KIFC3: variants seen among roughly 807,000 people sequenced by gnomAD.
KIFC3 encodes the protein kinesin family member C3, also known as kinesin-like protein KIFC3.
KIFC3 carries 60 observed loss-of-function variants against 101.8 expected under a neutral mutation model. The observed-to-expected ratio is 0.59, with a 90% CI of 0.48 to 0.73. The LOEUF is 0.73. KIFC3 is among the 30% of genes least tolerant of loss of function. The probability of loss-of-function intolerance (pLI) is 0.00; values close to 1 mark genes in which losing one functional copy is unlikely to be tolerated. For missense variants in KIFC3, 966 were observed against 1,137.1 expected, an observed-to-expected ratio of 0.85 and a Z score of 2.16; for synonymous variants, 476 against 482.7, an observed-to-expected ratio of 0.99 and a Z score of 0.18.
At position 57,788,637 on chromosome 16, in the gene KIFC3, G is replaced by A. The variant is rs575723899; in HGVS notation, c.315+6362C>T. 6.4e-5 allele frequency: 83 copies of A among 1,289,606 alleles called. 1 individual carries two copies. Among genetic ancestry groups the A allele is most frequent in the South Asian group, 6.0e-4 (49 of 81,024 alleles). The allele number at this position is 1,289,606 out of a possible 1,614,324, so 79.9% of individuals were successfully genotyped here. ...GGCCTCCCGGGCCCGCCTGGGGGCC[G>A]GCGCCTGTCTCTTCCAAAGCTTCTC... On this transcript the variant is annotated intron_variant, in intron 3 of 19. Transcript: ENST00000445690.
intron 1 of KIFC3, among the ~76,000 whole-genome samples, chr16:57,848,085 C>T (rs2055973899): frequency 6.6e-6 from 1 of 152,204 alleles, no homozygotes; most frequent in South Asian, 2.1e-4. Context: ...CATGCTTGGC[C>T]TGGATGCCAG....
intron 1 of KIFC3, among the ~76,000 whole-genome samples, chr16:57,826,848 C>A (rs1306613725): frequency 6.6e-6 from 1 of 152,162 alleles, no homozygotes; most frequent in Non-Finnish European, 1.5e-5. Context: ...TACCTCTCAC[C>A]GTGGTCATAC....
intron 1 of KIFC3, among the ~76,000 whole-genome samples, chr16:57,860,487 A>G (rs1454856597): frequency 2.0e-5 from 3 of 152,172 alleles, no homozygotes; most frequent in African/African-American, 7.2e-5. Flanking sequence ...CAAACTGGAC[A>G]TCCAAATGAT....
chr16:57,796,983 C>T (rs2054375274), intron 2 of KIFC3, among the ~76,000 whole-genome samples: 4 of 152,246 alleles, frequency 2.6e-5, no homozygotes, highest in South Asian at 4.1e-4. Flanking sequence ...CTACCTGGCC[C>T]AAAAGCCCAG....
intron 1 of KIFC3, among the ~76,000 whole-genome samples, chr16:57,844,730 G>C (rs1267205105): frequency 2.6e-5 from 4 of 152,118 alleles, no homozygotes; most frequent in African/African-American, 9.7e-5. Flanking sequence ...GTAGTCTGCA[G>C]CCCGTCTCGC....
At chr16:57,784,264 G>C (rs1242049448) in intron 3 of KIFC3, among the ~76,000 whole-genome samples, 1 of 152,234 alleles carries the variant, frequency 6.6e-6, no homozygotes, top group Non-Finnish European at 1.5e-5. Flanking sequence ...TACAGGGCTA[G>C]CCTAGAGGAG....
intron 13 of KIFC3, 105 bp downstream of exon 13, chr16:57,762,035 C>T: frequency 7.1e-7 from 1 of 1,400,954 alleles, no homozygotes; most frequent in Non-Finnish European, 9.5e-7. Flanking sequence ...CTGAGGCCTG[C>T]TCCCCACATA....
chr16:57,829,974 C>T (rs1555478922), intron 1 of KIFC3, among the ~76,000 whole-genome samples: 3 of 152,210 alleles, frequency 2.0e-5, no homozygotes, highest in African/African-American at 4.8e-5. Context: ...GCTTGCCCCT[C>T]AACTGGGAGA....
At chr16:57,802,530 C>T (rs2054809269), upstream of KIFC3, 1 of 985,980 alleles carries the variant, frequency 1.0e-6, no homozygotes, top group Non-Finnish European at 1.2e-6. This position sits in a 1 kb window ranked among gnomAD's most constrained non-coding sequence, Gnocchi z 5.0. Flanking sequence ...ACTCGGGCCG[C>T]GGCGCGTTCC....
At chr16:57,816,404 G>C (rs1555628839) in intron 1 of KIFC3, 4 of 560,970 alleles carry the variant, frequency 7.1e-6, no homozygotes, top group South Asian at 6.0e-5. Context: ...TTTGGTCACA[G>C]GACAGAAGCT....
chr16:57,775,922 G>T, intron 3 of KIFC3: 1 of 985,618 alleles, frequency 1.0e-6, no homozygotes, highest in Admixed American at 6.1e-5. Flanking sequence ...CGGGCCTGCT[G>T]CAGGGGGCGT....
chr16:57,816,080 C>T, intron 1 of KIFC3: 1 of 687,280 alleles, frequency 1.5e-6, no homozygotes, highest in Non-Finnish European at 2.1e-6. Flanking sequence ...TCCACGTACC[C>T]ACAGGAAGGA....
chr16:57,817,289 G>A (rs2055249688), intron 1 of KIFC3, among the ~76,000 whole-genome samples: 1 of 151,910 alleles, frequency 6.6e-6, no homozygotes. Context: ...AACCCAGGAG[G>A]TAGAGGTTGC....
intron 15 of KIFC3, 29 bp from the exon 16 acceptor site, chr16:57,760,984 C>A (rs2049778814): frequency 6.2e-7 from 1 of 1,602,960 alleles, no homozygotes; most frequent in Non-Finnish European, 8.5e-7. Flanking sequence ...CCAGATCAGG[C>A]CTGCCCTGCC....
chr16:57,783,472 C>CTTTCTTTT (rs557476340), intron 3 of KIFC3, among the ~76,000 whole-genome samples: 1 of 82,624 alleles, frequency 1.2e-5, no homozygotes. Flanking sequence ...ATTTTCTTTT[C>CTTTCTTTT]TTTTTTTTTT....
intron 3 of KIFC3, among the ~76,000 whole-genome samples, chr16:57,786,891 A>G (rs1166576154): frequency 6.6e-6 from 1 of 152,160 alleles, no homozygotes; most frequent in Non-Finnish European, 1.5e-5. Context: ...AGGGGCAGAT[A>G]GCTACAGGCC....
At chr16:57,764,825 A>C (rs2050276319) in intron 11 of KIFC3, among the ~76,000 whole-genome samples, 1 of 120,164 alleles carries the variant, frequency 8.3e-6, no homozygotes, top group African/African-American at 3.1e-5. Flanking sequence ...GTGGGTGGCC[A>C]TGGGGGTGGG....
At chr16:57,786,592 G>A (rs1235612012) in intron 3 of KIFC3, among the ~76,000 whole-genome samples, 1 of 152,168 alleles carries the variant, frequency 6.6e-6, no homozygotes, top group Non-Finnish European at 1.5e-5. Flanking sequence ...ATGTGACAGA[G>A]TGTGGCAGAG....
chr16:57,769,886 C>G lies in KIFC3; in HGVS notation c.1009G>C (p.Glu337Gln), dbSNP rs138734123. 15 of 1,613,878 alleles carry G rather than the reference C, an allele frequency of 9.3e-6. No individual in the cohort carries two copies. In the African/African-American group the frequency reaches 2.0e-4, roughly 22 times the overall value. Reference sequence around the variant, plus strand: ...TCCTCAATGGCCCGGTTCTTGTCCTCTTCCAGGGACTGCATCTCCTCCAGC... The same window carrying G: ...TCCTCAATGGCCCGGTTCTTGTCCTGTTCCAGGGACTGCATCTCCTCCAGC... ...QMLEEMQSLE[E>Q]DKNRAIEEAF... Residue 337 changes from glutamate to glutamine, a missense_variant, in exon 8 of 20, where the codon GAG becomes CAG. Physicochemically the swap from Glu to Gln is conservative, Grantham distance 29 (BLOSUM62 2). Transcript: ENST00000445690. This position sits in a 1 kb window ranked among gnomAD's most constrained non-coding sequence, Gnocchi z 4.3.
Sources: gnomAD v4.1 joint callset for allele counts (sites outside exome capture counted in the v4.1 genomes callset) on GRCh38, gnomAD v4.1.1 for gene constraint, Gnocchi (gnomAD v3.1) non-coding constraint, MANE v1.5 for transcripts, NCBI Gene and HGNC (gene_info 2026-07-23, HGNC 2026-07-21) for gene names.